Variants in PDK1 observed in about 807,000 individuals in gnomAD.
PDK1 encodes the protein pyruvate dehydrogenase kinase 1, also known as [Pyruvate dehydrogenase (acetyl-transferring)] kinase isozyme 1, mitochondrial.
In PDK1, 39 loss-of-function variants were observed where a neutral mutation model predicts 54.2. The observed-to-expected ratio is 0.72, with a 90% CI of 0.56 to 0.94. The LOEUF is 0.94. Ranked by LOEUF, PDK1 falls within the 40% of genes least tolerant of loss-of-function variation. PDK1 has a pLI of 0.00. For missense variants in PDK1, 552 were observed against 566.0 expected, an observed-to-expected ratio of 0.98 and a Z score of 0.25; for synonymous variants, 221 against 207.1, an observed-to-expected ratio of 1.07 and a Z score of -0.58.
chr2:172,679,939 A>C, the PDK1 span, among the ~76,000 whole-genome samples: 1 of 152,168 alleles, frequency 6.6e-6, no homozygotes, highest in African/African-American at 2.4e-5. Context: ...CTTTAAGTAG[A>C]ATTATCTGTC....
chr2:172,708,135 C>T, the PDK1 span, among the ~76,000 whole-genome samples: 1 of 152,032 alleles, frequency 6.6e-6, no homozygotes, highest in East Asian at 1.9e-4. Flanking sequence ...AACCCTGTCT[C>T]TACAAAAAAT....
At chr2:172,619,152 C>T in the PDK1 span, among the ~76,000 whole-genome samples, 1 of 152,186 alleles carries the variant, frequency 6.6e-6, no homozygotes, top group African/African-American at 2.4e-5. Flanking sequence ...CTGCCACCCC[C>T]TGCCCTCCAC....
the PDK1 span, among the ~76,000 whole-genome samples, chr2:172,658,958 C>T: frequency 6.6e-6 from 1 of 152,158 alleles, no homozygotes; most frequent in Admixed American, 6.5e-5. Context: ...CTTTGCTTTG[C>T]CCTTTGCCTT....
At chr2:172,611,441 A>G (rs1691457402), downstream of PDK1, among the ~76,000 whole-genome samples, 1 of 152,234 alleles carries the variant, frequency 6.6e-6, no homozygotes, top group Admixed American at 6.5e-5. Flanking sequence ...GAAGAATTCT[A>G]TCAAACATTT....
chr2:172,683,596 T>C, the PDK1 span, among the ~76,000 whole-genome samples: 2 of 152,312 alleles, frequency 1.3e-5, no homozygotes, highest in African/African-American at 4.8e-5. Flanking sequence ...CATGGATATA[T>C]ACATTTGTAG....
intron 3 of PDK1, 101 bp downstream of exon 3, chr2:172,562,392 A>G (rs916457328): frequency 5.3e-6 from 4 of 755,774 alleles, no homozygotes; most frequent in South Asian, 1.6e-5. Flanking sequence ...CATGTGATAT[A>G]TGTGACTGTA....
the PDK1 span, among the ~76,000 whole-genome samples, chr2:172,648,787 G>A: frequency 6.6e-6 from 1 of 152,186 alleles, no homozygotes; most frequent in African/African-American, 2.4e-5. Flanking sequence ...GCTGGGGGAG[G>A]GGCGTCTTCC....
the PDK1 span, among the ~76,000 whole-genome samples, chr2:172,664,704 CTCT>C: frequency 6.7e-6 from 1 of 149,312 alleles, no homozygotes; most frequent in Non-Finnish European, 1.5e-5. Flanking sequence ...ATGTCTGCTA[CTCT>C]TCTTCTGGCC....
the PDK1 span, among the ~76,000 whole-genome samples, chr2:172,669,563 G>A: frequency 6.6e-6 from 1 of 152,130 alleles, no homozygotes; most frequent in East Asian, 1.9e-4. Flanking sequence ...GGATCATACG[G>A]TGGTTTTATT....
chr2:172,707,038 G>A, the PDK1 span, among the ~76,000 whole-genome samples: 1 of 152,148 alleles, frequency 6.6e-6, no homozygotes, highest in South Asian at 2.1e-4. Context: ...CACCATGGGG[G>A]TGGGAGGTGG....
At chr2:172,556,577 A>G (rs1688341153) in intron 1 of PDK1, 1 of 383,532 alleles carries the variant, frequency 2.6e-6, no homozygotes, top group South Asian at 9.0e-5. Flanking sequence ...TGTTGAAAAC[A>G]AACCAGCTGG....
chr2:172,669,600 T>C, the PDK1 span, among the ~76,000 whole-genome samples: 2 of 152,208 alleles, frequency 1.3e-5, no homozygotes, highest in African/African-American at 4.8e-5. Flanking sequence ...AACCTCCATA[T>C]TGTTGTCCAA....
chr2:172,642,800 C>CTCCTCCTCT, the PDK1 span, among the ~76,000 whole-genome samples: 3 of 151,560 alleles, frequency 2.0e-5, no homozygotes, highest in Non-Finnish European at 4.4e-5. Context: ...CCTCCTCCTC[C>CTCCTCCTCT]TCCTCCTCCT....
In PDK1 at chr2:172,596,969, A is replaced by T. The variant is rs1690927625; in HGVS notation, c.*1000A>T. The T allele has an allele frequency of 6.6e-6, 1 of 152,226 alleles. No homozygotes were observed. Among genetic ancestry groups the T allele is most frequent in the Non-Finnish European group, 1.5e-5 (1 of 68,048 alleles). The allele number at this position is 152,226 out of a possible 1,614,324, so 9.4% of individuals were successfully genotyped here. ...TGTAGGTTTTGGTTTCCACCTATTT[A>T]AAGTCAGATTTATAGACTCGAGGAG... On this transcript the variant is annotated 3_prime_UTR_variant, in exon 11 of 11. Transcript: ENST00000282077.
chr2:172,582,253 T>C (rs1467964684), intron 8 of PDK1, among the ~76,000 whole-genome samples: 1 of 152,202 alleles, frequency 6.6e-6, no homozygotes, highest in Non-Finnish European at 1.5e-5. Context: ...TCTTGGTTCA[T>C]TTACTGTTGA....
chr2:172,593,033 A>C lies in PDK1; in HGVS notation c.1155A>C (p.Ala385=). Residue 385 remains alanine (A), a synonymous_variant, in exon 10 of 11, where the codon GCA becomes GCC. Coordinates refer to ENST00000282077, the MANE Select transcript of PDK1 (RefSeq NM_002610.5). ...LYSLEGYGTD[A]VIYIKALSTD... ...CCCTAGAGGGTTACGGGACAGATGCAGTTATCTACATTAAGGTAATAGCTG... is the reference window on the plus strand; with the variant it reads ...CCCTAGAGGGTTACGGGACAGATGCCGTTATCTACATTAAGGTAATAGCTG... 6.5e-7 allele frequency: 1 copy of C among 1,545,030 alleles called. No individual in the cohort carries two copies. The highest frequency in any genetic ancestry group is 8.9e-7 in the Non-Finnish European group (1 of 1,117,606).
At chr2:172,563,064 A>G (rs1305758100) in intron 3 of PDK1, among the ~76,000 whole-genome samples, 1 of 152,210 alleles carries the variant, frequency 6.6e-6, no homozygotes, top group South Asian at 2.1e-4. Flanking sequence ...TACATGAATG[A>G]TGTTTTTTAA....
chr2:172,638,379 A>T, the PDK1 span, among the ~76,000 whole-genome samples: 4 of 152,264 alleles, frequency 2.6e-5, no homozygotes, highest in African/African-American at 9.6e-5. Flanking sequence ...CCAAAGACAT[A>T]AAATCCTCCT....
At chr2:172,611,851 T>C (rs1310776415), downstream of PDK1, among the ~76,000 whole-genome samples, 2 of 152,248 alleles carry the variant, frequency 1.3e-5, no homozygotes, top group African/African-American at 2.4e-5. Context: ...CTATTCAAAA[T>C]AGCTAGTGGT....
Sources: gnomAD v4.1 joint callset for allele counts (sites outside exome capture counted in the v4.1 genomes callset) on GRCh38, gnomAD v4.1.1 for gene constraint, MANE v1.5 for transcripts, NCBI Gene and HGNC (gene_info 2026-07-23, HGNC 2026-07-21) for gene names.